Variants in KLF12 observed in about 807,000 individuals in gnomAD.
The protein encoded by KLF12 is Krueppel-like factor 12.
In KLF12, 9 loss-of-function variants were observed where a neutral mutation model predicts 37.8. The ratio of observed to expected loss-of-function variants is 0.24; its 90% CI spans 0.14 to 0.42. The LOEUF (loss-of-function observed/expected upper bound fraction) is 0.42. Ranked by LOEUF, KLF12 falls within the 10% of genes least tolerant of loss-of-function variation. KLF12 has a pLI of 1.00. For synonymous variants in KLF12, 208 were observed against 202.1 expected, an observed-to-expected ratio of 1.03 and a Z score of -0.25; for missense variants, 411 against 516.0, an observed-to-expected ratio of 0.80 and a Z score of 1.97.
At chr13:74,071,294 AAAT>A (rs1874221834) in intron 1 of KLF12, among the ~76,000 whole-genome samples, 1 of 152,214 alleles carries the variant, frequency 6.6e-6, no homozygotes, top group South Asian at 2.1e-4. Flanking sequence ...AGACAAATAC[AAAT>A]AATATAAAGA....
At chr13:73,977,333 C>T (rs955623799) in intron 2 of KLF12, among the ~76,000 whole-genome samples, 1 of 152,026 alleles carries the variant, frequency 6.6e-6, no homozygotes, top group South Asian at 2.1e-4. Flanking sequence ...GATGAGCCAC[C>T]GTGCCCAGCT....
At chr13:74,185,449 T>C in the KLF12 span, among the ~76,000 whole-genome samples, 1 of 152,128 alleles carries the variant, frequency 6.6e-6, no homozygotes, top group Non-Finnish European at 1.5e-5. Flanking sequence ...CCATCAATAA[T>C]TTGGAGTGCA....
At chr13:73,778,448 C>T (rs554876711) in intron 5 of KLF12, among the ~76,000 whole-genome samples, 2 of 152,184 alleles carry the variant, frequency 1.3e-5, no homozygotes, top group Non-Finnish European at 1.5e-5. Context: ...CAGCCTTGAC[C>T]TCTTAGGCTC....
chr13:74,178,562 C>T, the KLF12 span, among the ~76,000 whole-genome samples: 1 of 152,116 alleles, frequency 6.6e-6, no homozygotes, highest in Non-Finnish European at 1.5e-5. Flanking sequence ...CCATGTGCTT[C>T]TTTGTGGTGC....
chr13:73,765,486 A>G lies in KLF12; in HGVS notation c.807-486T>C, dbSNP rs116625043. Among the ~76,000 whole-genome samples, 617 of 152,300 alleles carry G rather than the reference A, an allele frequency of 4.1e-3. 3 individuals carry two copies. The highest frequency in any genetic ancestry group is 0.013 in the African/African-American group (539 of 41,576). On this transcript the variant is annotated intron_variant, in intron 5 of 7. Coordinates refer to ENST00000377669, the MANE Select transcript of KLF12 (RefSeq NM_007249.5). ...TCAAATGTGCTGTGACAGAATCTGC[A>G]GGCACAGGGAAGGAAGGAAGGGTGA...
At chr13:74,189,199 A>C in the KLF12 span, among the ~76,000 whole-genome samples, 1 of 152,092 alleles carries the variant, frequency 6.6e-6, no homozygotes, top group Non-Finnish European at 1.5e-5. Context: ...TTTTGGAAAA[A>C]ATGTTTGCTA....
At chr13:73,767,408 G>C (rs1478708535) in intron 5 of KLF12, among the ~76,000 whole-genome samples, 1 of 152,204 alleles carries the variant, frequency 6.6e-6, no homozygotes, top group Admixed American at 6.5e-5. Flanking sequence ...ACACAGGCTC[G>C]ATTACTGCTA....
intron 1 of KLF12, among the ~76,000 whole-genome samples, chr13:74,007,459 T>C (rs1892439954): frequency 6.6e-6 from 1 of 151,524 alleles, no homozygotes; most frequent in South Asian, 2.1e-4. Context: ...GTATTTTTAG[T>C]AGAGACAGGG....
At chr13:73,894,732 G>T (rs148912809) in intron 3 of KLF12, among the ~76,000 whole-genome samples, 1 of 152,106 alleles carries the variant, frequency 6.6e-6, no homozygotes, top group African/African-American at 2.4e-5. Flanking sequence ...GTGCTAGGAG[G>T]TTGTTGGCTT....
intron 3 of KLF12, among the ~76,000 whole-genome samples, chr13:73,875,725 G>A (rs1192041901): frequency 3.3e-5 from 5 of 151,844 alleles, no homozygotes; most frequent in Admixed American, 6.6e-5. Flanking sequence ...ACTTTTTAAC[G>A]TTTTACATTT....
At chr13:74,184,112 A>G in the KLF12 span, among the ~76,000 whole-genome samples, 3 of 152,182 alleles carry the variant, frequency 2.0e-5, no homozygotes, top group Non-Finnish European at 4.4e-5. Flanking sequence ...CTGAATCAGA[A>G]TCTACAGTTC....
rs934497245 is a variant in KLF12, at chr13:74,112,553, T to C, written c.-32+21186A>G. Among the ~76,000 whole-genome samples the C allele has an allele frequency of 7.9e-5, 12 of 152,176 alleles. 1 individual carries two copies. The East Asian group carries it at 1.5e-3, about 20-fold the overall frequency. ...TGCAATGTTTCAGACTTTTCTATTA[T>C]TGCATCTGTATTGGTGACCTGTGAT... On this transcript the variant is annotated intron_variant, in intron 1 of 7. Coordinates refer to ENST00000377669, the MANE Select transcript of KLF12 (RefSeq NM_007249.5).
rs572067541 is a variant in KLF12 at position 73,725,818 on chromosome 13, C to T, written c.870-10293G>A. 5.3e-5 allele frequency among the ~76,000 whole-genome samples: 8 copies of T among 149,850 alleles called. No individual in the cohort carries two copies. In the South Asian group the frequency reaches 1.7e-3, roughly 32 times the overall value. On this transcript the variant is annotated intron_variant, in intron 6 of 7. Transcript: ENST00000377669. Reference sequence around the variant, plus strand: ...ATTTAAACTCTTGGAGTTTTAGATTCCCATATTTCAAAATGTATTTATTTA... The same window carrying T: ...ATTTAAACTCTTGGAGTTTTAGATTTCCATATTTCAAAATGTATTTATTTA...
chr13:73,767,652 T>A (rs1214184467), intron 5 of KLF12, among the ~76,000 whole-genome samples: 1 of 152,340 alleles, frequency 6.6e-6, no homozygotes, highest in East Asian at 1.9e-4. Flanking sequence ...ACTGTTCTAT[T>A]TATATACACT....
the KLF12 span, among the ~76,000 whole-genome samples, chr13:74,152,885 GATAATAATAATAATAATA>G: frequency 4.0e-4 from 55 of 139,026 alleles, no homozygotes; most frequent in African/African-American, 1.1e-3. Flanking sequence ...CCCCATTACA[GATAATAATAATAATAATA>G]ATAATAATAA....
At chr13:74,025,628 C>A (rs1593839545) in intron 1 of KLF12, among the ~76,000 whole-genome samples, 1 of 151,910 alleles carries the variant, frequency 6.6e-6, no homozygotes, top group Non-Finnish European at 1.5e-5. Context: ...CACTCCACTG[C>A]ATAGGACATA....
At chr13:73,747,467 T>C (rs1594042214) in intron 6 of KLF12, among the ~76,000 whole-genome samples, 2 of 152,330 alleles carry the variant, frequency 1.3e-5, no homozygotes, top group East Asian at 1.9e-4. Flanking sequence ...TTATATCATA[T>C]TGGGGAATTG....
chr13:74,143,502 CA>C, the KLF12 span, among the ~76,000 whole-genome samples: 1,632 of 152,260 alleles, frequency 0.011, 27 homozygotes, highest in African/African-American at 0.035. Flanking sequence ...CCATTGGAAG[CA>C]TTTTTCATAT....
rs149190625 is a variant in KLF12 at position 73,765,152 on chromosome 13, A to C, written c.807-152T>G. The stretch of plus-strand genomic sequence containing the variant: ...CCCCTCTTAGTAAATGATGCAATTA[A>C]ATTCCTACGCCTGCAAATCTGTGGT... On this transcript the variant is annotated intron_variant, in intron 5 of 7. Coordinates refer to ENST00000377669, the MANE Select transcript of KLF12 (RefSeq NM_007249.5). The C allele has an allele frequency of 4.2e-4, 241 of 574,462 alleles. 1 individual carries two copies. The East Asian group carries it at 6.8e-3, about 16-fold the overall frequency. The allele number at this position is 574,462 out of a possible 1,614,324, so 35.6% of individuals were successfully genotyped here. A position where few individuals can be genotyped will look rare whatever the true frequency, so the allele number is the denominator to read the frequency against.
Sources: gnomAD v4.1 joint callset for allele counts (sites outside exome capture counted in the v4.1 genomes callset) on GRCh38, gnomAD v4.1.1 for gene constraint, MANE v1.5 for transcripts, NCBI Gene and HGNC (gene_info 2026-07-23, HGNC 2026-07-21) for gene names.